The following ITM2B variants were observed in gnomAD, a reference collection of about 807,000 sequenced individuals.
The protein encoded by ITM2B is ABri/ADan amyloid peptide.
Under a neutral mutation model 27.8 loss-of-function variants are expected in ITM2B, and 11 were observed. The observed-to-expected ratio is 0.40, with a 90% CI of 0.25 to 0.66. ITM2B has a LOEUF of 0.66. Ranked by LOEUF, ITM2B falls within the 30% of genes least tolerant of loss-of-function variation. ITM2B has a pLI of 0.43. For missense variants in ITM2B, 296 were observed against 328.9 expected (o/e 0.90, Z 0.77); for synonymous variants, 114 against 114.3 (o/e 1.00, Z 0.02).
At chr13:48,257,980 A>T in intron 3 of ITM2B, 146 bp from the exon 4 acceptor site, 1 of 601,522 alleles carries the variant, frequency 1.7e-6, no homozygotes, top group Non-Finnish European at 3.1e-6. Context: ...AACTTTATCC[A>T]GCCAAATTCT....
At chr13:48,250,160 CCTTA>C (rs1951746271) in intron 1 of ITM2B, among the ~76,000 whole-genome samples, 2 of 152,116 alleles carry the variant, frequency 1.3e-5, no homozygotes, top group African/African-American at 2.4e-5. Flanking sequence ...AAATAGCAAG[CCTTA>C]CTTAATAAAT....
rs1593399707 is a variant in ITM2B at position 48,266,105 on chromosome 13, T to A, written c.*4881T>A. 6.6e-6 allele frequency: 1 copy of A among 152,294 alleles called. No individual in the cohort carries two copies. The highest frequency in any genetic ancestry group is 2.1e-4 in the South Asian group (1 of 4,828). The allele number at this position is 152,294 out of a possible 1,614,324, so 9.4% of individuals were successfully genotyped here. A position where few individuals can be genotyped will look rare whatever the true frequency, so the allele number is the denominator to read the frequency against. ...TTTCCCAACCAGTTGTCTGACTTTC[T>A]CCTCAGATCTCATCCCCATGGGTCT... is the stretch of plus-strand genomic sequence containing the variant. On this transcript the variant is annotated 3_prime_UTR_variant, in exon 6 of 6. Transcript: ENST00000647800.
intron 1 of ITM2B, among the ~76,000 whole-genome samples, chr13:48,235,162 C>T (rs976504958): frequency 6.6e-6 from 1 of 152,170 alleles, no homozygotes; most frequent in African/African-American, 2.4e-5. Context: ...AAACTCTGGA[C>T]AAACATCAGA....
intron 1 of ITM2B, among the ~76,000 whole-genome samples, chr13:48,238,923 T>C (rs1951684144): frequency 6.6e-6 from 1 of 152,136 alleles, no homozygotes; most frequent in East Asian, 1.9e-4. Context: ...TTTTTAAAAG[T>C]TGTTTGTTTT....
At position 48,261,160 on chromosome 13, in the gene ITM2B, G is replaced by T; in HGVS notation, c.737G>T (p.Ser246Ile). Residue 246 changes from serine (S) to isoleucine (I), a missense_variant, in exon 6 of 6, where the codon AGC (serine) becomes ATC (isoleucine). Coordinates refer to ENST00000647800, the MANE Select transcript of ITM2B (RefSeq NM_021999.5). ...TIKGIQKREA[S>I]NCFAIRHFEN... ...ACAGGTATTCAGAAACGTGAAGCCA[G>T]CAATTGTTTCGCAATTCGGCATTTT... 1 of 1,612,248 alleles carries T rather than the reference G, an allele frequency of 6.2e-7. No homozygotes were observed. Among genetic ancestry groups the T allele is most frequent in the Non-Finnish European group, 8.5e-7 (1 of 1,178,836 alleles).
chr13:48,237,562 A>AG (rs1951675160), intron 1 of ITM2B, among the ~76,000 whole-genome samples: 2 of 152,206 alleles, frequency 1.3e-5, no homozygotes, highest in Non-Finnish European at 2.9e-5. Flanking sequence ...TGACATATAA[A>AG]AGGTTTATGT....
chr13:48,250,468 A>C (rs1160894729), intron 1 of ITM2B, among the ~76,000 whole-genome samples: 1 of 152,082 alleles, frequency 6.6e-6, no homozygotes, highest in African/African-American at 2.4e-5. Flanking sequence ...AATACAAAAA[A>C]TTAGCCGGGT....
In ITM2B at chr13:48,253,684, C is replaced by G. The variant is rs1951767512; in HGVS notation, c.118-124C>G. 7.1e-6 allele frequency: 7 copies of G among 987,664 alleles called. No individual in the cohort carries two copies. The East Asian group carries it at 9.9e-5, about 14-fold the overall frequency. The allele number at this position is 987,664 out of a possible 1,614,324, so 61.2% of individuals were successfully genotyped here. A position where few individuals can be genotyped will look rare whatever the true frequency, so the allele number is the denominator to read the frequency against. On this transcript the variant is annotated intron_variant, in intron 1 of 5. Transcript: ENST00000647800. ...TTCCTGGGTTGATTTTGATGAGAGA[C>G]ACAACTCCTTTGGTCTTTGTGTCTT...
chr13:48,248,324 T>C (rs1245679281), intron 1 of ITM2B, among the ~76,000 whole-genome samples: 1 of 151,972 alleles, frequency 6.6e-6, no homozygotes, highest in Non-Finnish European at 1.5e-5. Flanking sequence ...TTAAAAGAGA[T>C]AGGATCTTGC....
At position 48,264,201 on chromosome 13, in the gene ITM2B, GT is replaced by G. The variant is rs1323400546; in HGVS notation, c.*2979del. The stretch of plus-strand genomic sequence containing the variant: ...ATGCTTCATACAGCTCTGTACAGTT[GT>G]TGACAGTGCCTTTTTTGAAACCTAT... On this transcript the variant is annotated 3_prime_UTR_variant, in exon 6 of 6. Transcript: ENST00000647800. 18 of 152,120 alleles carry G rather than the reference GT, an allele frequency of 1.2e-4. No individual in the cohort carries two copies. 9.4% of individuals were successfully genotyped at this position (152,120 alleles called of 1,614,324 possible).
intron 1 of ITM2B, among the ~76,000 whole-genome samples, chr13:48,234,388 C>T (rs1951654888): frequency 6.6e-6 from 1 of 152,108 alleles, no homozygotes; most frequent in Admixed American, 6.5e-5. Context: ...GCCTCTTACC[C>T]AGACCCTTTT....
Position 48,264,391 on chromosome 13 carries a change from AAGT to A in ITM2B, c.*3170_*3172del, listed in dbSNP as rs1951840686. ...AAATGTTGTTTATCTCGAATAATAG[AAGT>A]AGGAGTGTAAAACTTAAAGGCTGAT... On this transcript the variant is annotated 3_prime_UTR_variant, in exon 6 of 6. Coordinates refer to ENST00000647800, the MANE Select transcript of ITM2B (RefSeq NM_021999.5). The A allele has an allele frequency of 6.6e-6, 1 of 152,176 alleles. No individual in the cohort carries two copies. Among genetic ancestry groups the A allele is most frequent in the Non-Finnish European group, 1.5e-5 (1 of 68,030 alleles). 9.4% of individuals were successfully genotyped at this position (152,176 alleles called of 1,614,324 possible).
chr13:48,245,980 G>A (rs553924210), intron 1 of ITM2B, among the ~76,000 whole-genome samples: 39 of 152,042 alleles, frequency 2.6e-4, no homozygotes, highest in African/African-American at 8.9e-4. Flanking sequence ...GGTTTTCACC[G>A]TGTTAGCCAG....
intron 4 of ITM2B, 90 bp from the exon 5 acceptor site, chr13:48,258,707 C>T (rs1298768217): frequency 2.5e-6 from 3 of 1,207,968 alleles, no homozygotes; most frequent in African/African-American, 1.5e-5. Context: ...CTGTTCCATA[C>T]CATAATGTGT....
chr13:48,266,777 T>C lies in ITM2B; in HGVS notation c.*5553T>C, dbSNP rs567394134. The C allele has an allele frequency of 2.0e-5, 3 of 152,286 alleles. No homozygotes were observed. Among genetic ancestry groups the C allele is most frequent in the Non-Finnish European group, 2.9e-5 (2 of 68,036 alleles). 9.4% of individuals were successfully genotyped at this position (152,286 alleles called of 1,614,324 possible). On this transcript the variant is annotated 3_prime_UTR_variant, in exon 6 of 6. Transcript: ENST00000647800. ...GGGCTTGTTGTTCAAAGTTAGAGCC[T>C]CATTTTAAGTAAAATGTTCTGTGGG...
chr13:48,249,884 A>G (rs1167175744), intron 1 of ITM2B, among the ~76,000 whole-genome samples: 2 of 152,096 alleles, frequency 1.3e-5, no homozygotes, highest in African/African-American at 4.8e-5. Flanking sequence ...TTTCTTCTTA[A>G]ATCTCACGTG....
intron 1 of ITM2B, among the ~76,000 whole-genome samples, chr13:48,247,221 C>T (rs1393523490): frequency 6.6e-6 from 1 of 152,164 alleles, no homozygotes; most frequent in African/African-American, 2.4e-5. Flanking sequence ...CCAAACAACA[C>T]ATCTGTGGGC....
rs1015274031 is a variant in ITM2B at position 48,233,496 on chromosome 13, C to A, written c.117+19C>A. Reference sequence around the variant, plus strand: ...CTGCAAGGTCCGAGCCCGGGGAGGTCGAGGAAGCGGGTGCTGGGCCCGGCC... The same window carrying A: ...CTGCAAGGTCCGAGCCCGGGGAGGTAGAGGAAGCGGGTGCTGGGCCCGGCC... On this transcript the variant is annotated intron_variant, in intron 1 of 5. Transcript: ENST00000647800. 2.7e-6 allele frequency: 4 copies of A among 1,485,152 alleles called. No homozygotes were observed. The highest frequency in any genetic ancestry group is 2.7e-6 in the Non-Finnish European group (3 of 1,106,822). The allele number at this position is 1,485,152 out of a possible 1,614,324, so 92.0% of individuals were successfully genotyped here.
chr13:48,248,205 G>T (rs1951734600), intron 1 of ITM2B, among the ~76,000 whole-genome samples: 1 of 151,906 alleles, frequency 6.6e-6, no homozygotes, highest in South Asian at 2.1e-4. Context: ...TAAATATGTG[G>T]TGTTATATGT....
Sources: gnomAD v4.1 joint callset for allele counts (sites outside exome capture counted in the v4.1 genomes callset) on GRCh38, gnomAD v4.1.1 for gene constraint, MANE v1.5 for transcripts, NCBI Gene and HGNC (gene_info 2026-07-23, HGNC 2026-07-21) for gene names.